The following SLC24A2 variants were observed in gnomAD, a reference collection of about 807,000 sequenced individuals.
SLC24A2 encodes the protein sodium/potassium/calcium exchanger 2.
In SLC24A2, 36 loss-of-function variants were observed where a neutral mutation model predicts 62.0. That is an observed-to-expected ratio of 0.58 (90% confidence interval 0.44 to 0.77). The LOEUF is 0.77. Among genes scored for constraint, SLC24A2 ranks in the 30% least tolerant of loss-of-function variants. SLC24A2 has a pLI of 0.00. For missense variants in SLC24A2, 846 were observed against 817.9 expected, an observed-to-expected ratio of 1.03 and a Z score of -0.42; for synonymous variants, 358 against 294.0, an observed-to-expected ratio of 1.22 and a Z score of -2.23.
chr9:19,682,341 C>A (rs1414609210), intron 2 of SLC24A2, among the ~76,000 whole-genome samples: 1 of 152,084 alleles, frequency 6.6e-6, no homozygotes, highest in Non-Finnish European at 1.5e-5. Context: ...GAGAATACAA[C>A]CTGGGCCCTT....
chr9:19,530,100 A>G (rs1833630636), intron 8 of SLC24A2, among the ~76,000 whole-genome samples: 1 of 130,860 alleles, frequency 7.6e-6, no homozygotes, highest in African/African-American at 3.0e-5. Flanking sequence ...TTTTTTTTTA[A>G]GCTAGGAAAT....
the SLC24A2 span, among the ~76,000 whole-genome samples, chr9:20,143,006 A>G: frequency 6.6e-6 from 1 of 152,218 alleles, no homozygotes; most frequent in African/African-American, 2.4e-5. Context: ...TGAAACAGAT[A>G]TGACTATACA....
chr9:19,625,366 G>A (rs1216616794), intron 2 of SLC24A2, among the ~76,000 whole-genome samples: 1 of 152,122 alleles, frequency 6.6e-6, no homozygotes, highest in Non-Finnish European at 1.5e-5. Context: ...GAAAAAGTCT[G>A]TTAAGCCAAT....
the SLC24A2 span, among the ~76,000 whole-genome samples, chr9:20,158,536 G>A: frequency 6.6e-6 from 1 of 151,592 alleles, no homozygotes; most frequent in African/African-American, 2.4e-5. Context: ...AACTTCCCAG[G>A]ATCTTGATCC....
At chr9:19,872,158 G>A in the SLC24A2 span, among the ~76,000 whole-genome samples, 1 of 152,160 alleles carries the variant, frequency 6.6e-6, no homozygotes, top group Non-Finnish European at 1.5e-5. Context: ...GCTCCAATAT[G>A]TAGTAACAGG....
chr9:20,239,991 T>A, the SLC24A2 span, among the ~76,000 whole-genome samples: 1 of 151,920 alleles, frequency 6.6e-6, no homozygotes, highest in South Asian at 2.1e-4. Context: ...TGTCTAGTGG[T>A]AACCATCCGG....
At chr9:20,194,971 A>T in the SLC24A2 span, among the ~76,000 whole-genome samples, 4 of 152,078 alleles carry the variant, frequency 2.6e-5, no homozygotes, top group Non-Finnish European at 5.9e-5. Context: ...TTATAGTTTT[A>T]TTACCTAGGT....
chr9:20,105,335 G>A, the SLC24A2 span, among the ~76,000 whole-genome samples: 1 of 152,138 alleles, frequency 6.6e-6, no homozygotes, highest in Admixed American at 6.5e-5. Context: ...ACTCAGCTTT[G>A]CACCAAGCGG....
chr9:19,905,818 G>T, the SLC24A2 span, among the ~76,000 whole-genome samples: 11 of 152,150 alleles, frequency 7.2e-5, no homozygotes, highest in Non-Finnish European at 1.6e-4. Flanking sequence ...CAGGAGGAAA[G>T]AACATAATTT....
At chr9:19,626,672 A>G (rs762040925) in intron 2 of SLC24A2, among the ~76,000 whole-genome samples, 13 of 152,234 alleles carry the variant, frequency 8.5e-5, no homozygotes, top group Non-Finnish European at 1.3e-4. Context: ...CCAATATTCC[A>G]ATGGACATGA....
chr9:19,737,626 T>TA (rs1821548390), intron 2 of SLC24A2, among the ~76,000 whole-genome samples: 1 of 152,020 alleles, frequency 6.6e-6, no homozygotes, highest in African/African-American at 2.4e-5. Context: ...TATATTTTTA[T>TA]AAAAAATAAG....
the SLC24A2 span, among the ~76,000 whole-genome samples, chr9:20,071,629 T>C: frequency 6.6e-6 from 1 of 152,186 alleles, no homozygotes; most frequent in Non-Finnish European, 1.5e-5. Flanking sequence ...GTTTTTCCTC[T>C]GCTCATACCA....
At chr9:19,712,820 C>T (rs972847801) in intron 2 of SLC24A2, among the ~76,000 whole-genome samples, 2 of 152,108 alleles carry the variant, frequency 1.3e-5, no homozygotes, top group African/African-American at 2.4e-5. Context: ...CAGGGACCTG[C>T]CCTCTGCAGC....
At chr9:19,951,922 G>T in the SLC24A2 span, among the ~76,000 whole-genome samples, 6 of 152,034 alleles carry the variant, frequency 3.9e-5, no homozygotes, top group Non-Finnish European at 5.9e-5. Context: ...ATCAATTTAA[G>T]GAGAACTGAC....
At chr9:19,704,186 G>A (rs927784536) in intron 2 of SLC24A2, among the ~76,000 whole-genome samples, 23 of 152,114 alleles carry the variant, frequency 1.5e-4, no homozygotes, top group African/African-American at 5.1e-4. Flanking sequence ...CTGGGGGAGC[G>A]CCTGAGATTA....
At chr9:19,649,573 C>T (rs1476110422) in intron 2 of SLC24A2, among the ~76,000 whole-genome samples, 1 of 152,140 alleles carries the variant, frequency 6.6e-6, no homozygotes, top group Non-Finnish European at 1.5e-5. Context: ...CTAGTATACA[C>T]TGACATTTGG....
At chr9:19,718,061 C>G (rs980591874) in intron 2 of SLC24A2, among the ~76,000 whole-genome samples, 1 of 150,994 alleles carries the variant, frequency 6.6e-6, no homozygotes. Flanking sequence ...ACTGCAACCT[C>G]CGCCTCCCAG....
chr9:20,116,199 T>C, the SLC24A2 span, among the ~76,000 whole-genome samples: 17,081 of 152,146 alleles, frequency 0.11, 1,016 homozygotes, highest in Middle Eastern at 0.18. Context: ...CATGAGTCTG[T>C]TCAAACAGCT....
intron 4 of SLC24A2, among the ~76,000 whole-genome samples, chr9:19,610,582 C>T (rs931105145): frequency 5.3e-5 from 8 of 152,176 alleles, no homozygotes; most frequent in African/African-American, 1.4e-4. Flanking sequence ...AAACATTTCC[C>T]ATTGCAGCAG....
Sources: allele counts gnomAD v4.1 joint callset (sites outside exome capture counted in the v4.1 genomes callset), GRCh38; gene constraint gnomAD v4.1.1; transcripts MANE v1.5; gene names NCBI Gene and HGNC (gene_info 2026-07-23, HGNC 2026-07-21).